The following TMEM132B variants were observed in gnomAD, a reference collection of about 807,000 sequenced individuals.
TMEM132B encodes the protein transmembrane protein 132B.
TMEM132B carries 18 observed loss-of-function variants against 90.8 expected under a neutral mutation model. That is an observed-to-expected ratio of 0.20 (90% confidence interval 0.14 to 0.29). TMEM132B has a LOEUF of 0.29. TMEM132B is among the 10% of genes least tolerant of loss of function. The pLI is 1.00. For missense variants in TMEM132B, 1,096 were observed against 1,326.8 expected, an observed-to-expected ratio of 0.83 and a Z score of 2.70; for synonymous variants, 504 against 523.3, an observed-to-expected ratio of 0.96 and a Z score of 0.50.
chr12:125,515,164 T>C (rs774937033), intron 3 of TMEM132B, among the ~76,000 whole-genome samples: 1 of 151,790 alleles, frequency 6.6e-6, no homozygotes, highest in Non-Finnish European at 1.5e-5. Flanking sequence ...GTTCGCACAT[T>C]CTCTCCCACA....
At chr12:125,402,925 C>A (rs978783313) in intron 2 of TMEM132B, among the ~76,000 whole-genome samples, 1 of 152,094 alleles carries the variant, frequency 6.6e-6, no homozygotes, top group African/African-American at 2.4e-5. Context: ...GGTTCCTGCT[C>A]ATTGGCCCCT....
intron 1 of TMEM132B, among the ~76,000 whole-genome samples, chr12:125,259,279 A>G (rs1373730337): frequency 6.6e-6 from 1 of 152,198 alleles, no homozygotes; most frequent in Non-Finnish European, 1.5e-5. Flanking sequence ...CAGCATTCTC[A>G]GTGTGTAACA....
chr12:125,233,656 G>A (rs1873871562), intron 1 of TMEM132B, among the ~76,000 whole-genome samples: 1 of 152,222 alleles, frequency 6.6e-6, no homozygotes, highest in Non-Finnish European at 1.5e-5. Context: ...TGTTGGCATA[G>A]GCAATTGAAA....
intron 2 of TMEM132B, 108 bp downstream of exon 2, chr12:125,350,451 G>C (rs745645079): frequency 2.7e-5 from 35 of 1,302,094 alleles, no homozygotes; most frequent in Non-Finnish European, 3.2e-5. Flanking sequence ...TGTCAAAAAT[G>C]AATACAGCTG....
intron 3 of TMEM132B, among the ~76,000 whole-genome samples, chr12:125,504,609 G>A (rs1018958220): frequency 6.6e-6 from 1 of 152,160 alleles, no homozygotes; most frequent in African/African-American, 2.4e-5. Flanking sequence ...TCTAATAATG[G>A]TGGAGGAACT....
At chr12:125,553,370 A>G (rs1382506649) in intron 4 of TMEM132B, among the ~76,000 whole-genome samples, 1 of 152,224 alleles carries the variant, frequency 6.6e-6, no homozygotes, top group Non-Finnish European at 1.5e-5. Context: ...GTGATCTGAC[A>G]GGGAAGGCTG....
intron 3 of TMEM132B, among the ~76,000 whole-genome samples, chr12:125,474,904 C>A (rs921085800): frequency 6.6e-6 from 1 of 152,198 alleles, no homozygotes; most frequent in Non-Finnish European, 1.5e-5. Flanking sequence ...TTGCAACAAT[C>A]CCTCTGGGAA....
Position 125,658,291 on chromosome 12 carries a change from AT to A in TMEM132B, c.*3585del, listed in dbSNP as rs1401572639. ...ACTTTTAGAATGTCCACCTTTGTGC[AT>A]TTTGGTAGCATTCTTGTTTCATTAT... is the stretch of plus-strand genomic sequence containing the variant. On this transcript the variant is annotated 3_prime_UTR_variant, in exon 9 of 9. Coordinates refer to ENST00000682704, the MANE Select transcript of TMEM132B (RefSeq NM_001366854.1). 2.0e-5 allele frequency: 3 copies of A among 152,246 alleles called. No individual in the cohort carries two copies. Among genetic ancestry groups the A allele is most frequent in the Non-Finnish European group, 4.4e-5 (3 of 68,036 alleles). The allele number at this position is 152,246 out of a possible 1,614,324, so 9.4% of individuals were successfully genotyped here. A position where few individuals can be genotyped will look rare whatever the true frequency, so the allele number is the denominator to read the frequency against.
In TMEM132B at chr12:125,655,695, TC is replaced by T. The variant is rs1887043425; in HGVS notation, c.*987del. On this transcript the variant is annotated 3_prime_UTR_variant, in exon 9 of 9. Transcript: ENST00000682704. ...GCTTTGTGGCCAACACAATTTACTA[TC>T]CAAACTGAAGTCTTAAAGTAGAATT... 1 of 152,158 alleles carries T rather than the reference TC, an allele frequency of 6.6e-6. No homozygotes were observed. The allele number at this position is 152,158 out of a possible 1,614,324, so 9.4% of individuals were successfully genotyped here.
intron 3 of TMEM132B, among the ~76,000 whole-genome samples, chr12:125,474,611 TTTTA>T (rs1158485518): frequency 6.6e-6 from 1 of 152,126 alleles, no homozygotes; most frequent in Admixed American, 6.5e-5. Flanking sequence ...TATGTCATTA[TTTTA>T]TTTGCTAATC....
chr12:125,321,874 A>C (rs1261170831), intron 1 of TMEM132B, among the ~76,000 whole-genome samples: 2 of 152,190 alleles, frequency 1.3e-5, no homozygotes, highest in African/African-American at 4.8e-5. Flanking sequence ...ACCTGTTTAT[A>C]AATGTTTATT....
chr12:125,481,592 G>A (rs185198727), intron 3 of TMEM132B, among the ~76,000 whole-genome samples: 130 of 152,236 alleles, frequency 8.5e-4, no homozygotes, highest in African/African-American at 2.9e-3. Context: ...ACTGCTCAAC[G>A]AAATAAAAGA....
intron 4 of TMEM132B, among the ~76,000 whole-genome samples, chr12:125,545,975 G>A (rs553271027): frequency 6.6e-6 from 1 of 152,262 alleles, no homozygotes; most frequent in East Asian, 1.9e-4. Flanking sequence ...AGAAGCTTTT[G>A]TAAGGCATAA....
At chr12:125,642,646 T>A (rs962665059) in intron 5 of TMEM132B, among the ~76,000 whole-genome samples, 1 of 152,216 alleles carries the variant, frequency 6.6e-6, no homozygotes, top group Admixed American at 6.5e-5. Context: ...TCTTCAGCAA[T>A]CCTTGTTCAT....
chr12:125,328,441 T>A (rs780048402), intron 1 of TMEM132B, among the ~76,000 whole-genome samples: 33 of 152,160 alleles, frequency 2.2e-4, no homozygotes, highest in African/African-American at 9.7e-5. Context: ...CCATCATACG[T>A]TTATTCTCTT....
rs1454927151 is a variant in TMEM132B at position 125,647,222 on chromosome 12, T to C, written c.1643+2941T>C. Among the ~76,000 whole-genome samples the C allele has an allele frequency of 3.9e-5, 6 of 152,108 alleles. No individual in the cohort carries two copies. The East Asian group carries it at 1.2e-3, about 29-fold the overall frequency. ...GGAGCATCAGGGACTTGTGGGACCA[T>C]AACAAAAGATCTAGGATTCCCGTAA... is the stretch of plus-strand genomic sequence containing the variant. On this transcript the variant is annotated intron_variant, in intron 6 of 8. Coordinates refer to ENST00000682704, the MANE Select transcript of TMEM132B (RefSeq NM_001366854.1).
chr12:125,582,830 A>G (rs940215366), intron 4 of TMEM132B, among the ~76,000 whole-genome samples: 3 of 147,562 alleles, frequency 2.0e-5, no homozygotes, highest in African/African-American at 7.4e-5. Context: ...CCCGTTTTCC[A>G]GATCAGAGAA....
chr12:125,498,098 CTTTA>C lies in TMEM132B; in HGVS notation c.1107-21336_1107-21333del, dbSNP rs1414366340. Among the ~76,000 whole-genome samples the C allele has an allele frequency of 6.6e-6, 1 of 152,216 alleles. No homozygotes were observed. The highest frequency in any genetic ancestry group is 1.5e-5 in the Non-Finnish European group (1 of 68,034). Reference sequence around the variant, plus strand: ...ATCAGTCCAGACCTGACACACGCTGCTTTATTTACCACTCACTGGCCAAAATTGA... The same window carrying C: ...ATCAGTCCAGACCTGACACACGCTGCTTTACCACTCACTGGCCAAAATTGA... On this transcript the variant is annotated intron_variant, in intron 3 of 8. Coordinates refer to ENST00000682704, the MANE Select transcript of TMEM132B (RefSeq NM_001366854.1). The surrounding 1 kb of genome is among the most constrained non-coding windows in gnomAD (Gnocchi z 4.5).
intron 1 of TMEM132B, among the ~76,000 whole-genome samples, chr12:125,306,957 T>C (rs1875987224): frequency 6.6e-6 from 1 of 152,264 alleles, no homozygotes; most frequent in Admixed American, 6.5e-5. Context: ...GGAAACACCC[T>C]GGGCATGCTC....
Sources: gnomAD v4.1 joint callset for allele counts (sites outside exome capture counted in the v4.1 genomes callset) on GRCh38, gnomAD v4.1.1 for gene constraint, Gnocchi (gnomAD v3.1) non-coding constraint, MANE v1.5 for transcripts, NCBI Gene and HGNC (gene_info 2026-07-23, HGNC 2026-07-21) for gene names.